RMDN2: variants seen among roughly 807,000 people sequenced by gnomAD.
RMDN2 encodes regulator of microtubule dynamics protein 2.
Under a neutral mutation model 52.8 loss-of-function variants are expected in RMDN2, and 61 were observed. That is an observed-to-expected ratio of 1.16 (90% CI 0.94 to 1.43). The LOEUF is 1.43. Among genes scored for constraint, RMDN2 ranks in the 40% most tolerant of loss-of-function variants. The pLI is 0.00. For missense variants in RMDN2, 592 were observed against 475.3 expected (o/e 1.25, Z -2.28); for synonymous variants, 180 against 153.1 (o/e 1.18, Z -1.30).
At chr2:38,005,937 C>A (rs1343944760) in intron 10 of RMDN2, among the ~76,000 whole-genome samples, 1 of 152,198 alleles carries the variant, frequency 6.6e-6, no homozygotes, top group Non-Finnish European at 1.5e-5. Context: ...CCAGTTTTCC[C>A]AGCACCATTT....
At chr2:37,994,746 G>A (rs890731320) in intron 7 of RMDN2, among the ~76,000 whole-genome samples, 2 of 152,102 alleles carry the variant, frequency 1.3e-5, no homozygotes, top group African/African-American at 4.8e-5. Context: ...TGTTTCAATG[G>A]GAATATGTGA....
chr2:37,981,529 A>T (rs1376252484), intron 5 of RMDN2, among the ~76,000 whole-genome samples, 186 bp downstream of exon 5: 2 of 152,224 alleles, frequency 1.3e-5, no homozygotes, highest in Non-Finnish European at 2.9e-5. Flanking sequence ...CAGCCTTGAA[A>T]TATATTTAAG....
At chr2:37,933,184 C>T (rs1572686773) in intron 2 of RMDN2, among the ~76,000 whole-genome samples, 1 of 151,842 alleles carries the variant, frequency 6.6e-6, no homozygotes, top group East Asian at 2.0e-4. Flanking sequence ...GGCGGCCGGG[C>T]AGAGATGCTC....
At position 38,056,333 on chromosome 2, in the gene RMDN2, C is replaced by T. The variant is rs566115928; in HGVS notation, c.1714-10649C>T. Reference sequence around the variant, plus strand: ...GTCCACACAGTCTCTAGGAGAATTACGTAGTTCTTAATCGTTGTTCCCAAA... The same window carrying T: ...GTCCACACAGTCTCTAGGAGAATTATGTAGTTCTTAATCGTTGTTCCCAAA... On this transcript the variant is annotated intron_variant, in intron 10 of 10. Transcript: ENST00000234195. Among the ~76,000 whole-genome samples the T allele has an allele frequency of 5.9e-5, 9 of 152,274 alleles. No individual in the cohort carries two copies. The South Asian group carries it at 1.2e-3, about 21-fold the overall frequency.
chr2:38,038,147 C>G (rs990975928), intron 10 of RMDN2, among the ~76,000 whole-genome samples: 3 of 152,090 alleles, frequency 2.0e-5, no homozygotes, highest in Non-Finnish European at 4.4e-5. Flanking sequence ...CTTCCAGGCT[C>G]CATTTCAGCC....
At chr2:38,053,126 AT>A (rs1269435670) in intron 10 of RMDN2, among the ~76,000 whole-genome samples, 2 of 152,202 alleles carry the variant, frequency 1.3e-5, no homozygotes, top group African/African-American at 2.4e-5. Flanking sequence ...AATAATTCCC[AT>A]TAAAAATAAG....
chr2:38,004,959 T>G (rs1676869994), intron 10 of RMDN2, among the ~76,000 whole-genome samples: 1 of 152,112 alleles, frequency 6.6e-6, no homozygotes, highest in African/African-American at 2.4e-5. Flanking sequence ...TTTGGTTTTT[T>G]GTCCTTGCGA....
intron 10 of RMDN2, among the ~76,000 whole-genome samples, chr2:38,010,967 A>G (rs1225423421): frequency 6.6e-6 from 1 of 152,230 alleles, no homozygotes; most frequent in Non-Finnish European, 1.5e-5. Flanking sequence ...GGCCCCTACC[A>G]GTTAAAACAT....
intron 10 of RMDN2, among the ~76,000 whole-genome samples, chr2:38,065,040 C>G (rs2125311576): frequency 6.6e-6 from 1 of 152,264 alleles, no homozygotes; most frequent in South Asian, 2.1e-4. Flanking sequence ...AAACACATAC[C>G]AAGCTGTTCC....
chr2:37,968,869 T>A (rs145498862), intron 2 of RMDN2, among the ~76,000 whole-genome samples: 3 of 152,346 alleles, frequency 2.0e-5, no homozygotes, highest in East Asian at 1.9e-4. Context: ...AGTACAAAAC[T>A]AATTTCTAAC....
intron 2 of RMDN2, among the ~76,000 whole-genome samples, chr2:37,958,185 G>A (rs1213323761): frequency 2.0e-5 from 3 of 152,204 alleles, no homozygotes; most frequent in African/African-American, 7.2e-5. Context: ...TGTGAAGAAA[G>A]TCAATGGTAG....
At chr2:37,949,771 G>C (rs1214358843) in intron 2 of RMDN2, 1 of 152,042 alleles carries the variant, frequency 6.6e-6, no homozygotes, top group African/African-American at 2.4e-5. Context: ...ATTTGAGGGG[G>C]TGTTTCATGT....
downstream of RMDN2, among the ~76,000 whole-genome samples, chr2:38,020,516 G>C (rs1365286231): frequency 6.6e-6 from 1 of 152,242 alleles, no homozygotes; most frequent in Non-Finnish European, 1.5e-5. Context: ...TGTGCAGGGA[G>C]AGGGTGAGAG....
rs765795674 is a variant in RMDN2, at chr2:37,981,351, T to TATAGG, written c.791+11_791+15dup. ...TGGACATTGTCATCTGTGGTAAGTG[T>TATAGG]ATAGGATTTATGCAGTCTTTTAAAT... is the stretch of plus-strand genomic sequence containing the variant. On this transcript the variant is annotated intron_variant, in intron 5 of 10. Coordinates refer to ENST00000354545, the MANE Select transcript of RMDN2 (RefSeq NM_001170791.3). 6.3e-7 allele frequency: 1 copy of TATAGG among 1,577,244 alleles called. No individual in the cohort carries two copies. Among genetic ancestry groups the TATAGG allele is most frequent in the Admixed American group, 1.7e-5 (1 of 59,602 alleles).
chr2:37,980,755 G>C (rs1304678466), intron 4 of RMDN2, among the ~76,000 whole-genome samples: 1 of 151,852 alleles, frequency 6.6e-6, no homozygotes, highest in Non-Finnish European at 1.5e-5. Context: ...GGCAGAGTTA[G>C]AGTTACCCAC....
intron 5 of RMDN2, among the ~76,000 whole-genome samples, chr2:37,987,083 A>G (rs10204945): frequency 0.3 from 44,973 of 151,934 alleles, 7,245 homozygotes; most frequent in East Asian, 0.63. Context: ...AAAATCTAAA[A>G]AAAAAATCTC....
intron 2 of RMDN2, among the ~76,000 whole-genome samples, chr2:37,933,837 A>G (rs1667068085): frequency 6.6e-6 from 1 of 152,204 alleles, no homozygotes; most frequent in African/African-American, 2.4e-5. Context: ...TTAGATGTGA[A>G]ATCTTTCTAA....
chr2:37,951,818 C>T (rs1280135942), intron 2 of RMDN2: 1 of 1,613,666 alleles, frequency 6.2e-7, no homozygotes, highest in Admixed American at 1.7e-5. Context: ...CCTTTGGGAA[C>T]ACTATTGATA....
At chr2:37,945,432 C>T (rs985543714) in intron 2 of RMDN2, among the ~76,000 whole-genome samples, 1 of 152,170 alleles carries the variant, frequency 6.6e-6, no homozygotes, top group Non-Finnish European at 1.5e-5. Context: ...GTCTCATCTT[C>T]CTGTGCCTTC....
Sources: gnomAD v4.1 joint callset for allele counts (sites outside exome capture counted in the v4.1 genomes callset) on GRCh38, gnomAD v4.1.1 for gene constraint, MANE v1.5 for transcripts, NCBI Gene and HGNC (gene_info 2026-07-23, HGNC 2026-07-21) for gene names.